UNC13C: variants seen among roughly 807,000 people sequenced by gnomAD.
UNC13C encodes the protein protein unc-13 homolog C.
In UNC13C, 174 loss-of-function variants were observed where a neutral mutation model predicts 245.4. The ratio of observed to expected loss-of-function variants is 0.71; its 90% confidence interval spans 0.63 to 0.80. The LOEUF (loss-of-function observed/expected upper bound fraction) is 0.80, where lower values mean the gene tolerates loss of function less well. Ranked by LOEUF, UNC13C falls within the 30% of genes least tolerant of loss-of-function variation. UNC13C has a pLI of 0.00. For synonymous variants in UNC13C, 992 were observed against 895.1 expected, an observed-to-expected ratio of 1.11 and a Z score of -1.93; for missense variants, 2,829 against 2,602.9, an observed-to-expected ratio of 1.09 and a Z score of -1.89.
Position 54,014,162 on chromosome 15 carries a change from G to C in UNC13C, c.1259G>C (p.Gly420Ala). The C allele has an allele frequency of 6.2e-7, 1 of 1,613,690 alleles. No individual in the cohort carries two copies. Among genetic ancestry groups the C allele is most frequent in the Non-Finnish European group, 8.5e-7 (1 of 1,179,808 alleles). Residue 420 changes from glycine to alanine, a missense_variant, in exon 2 of 33, where the codon GGG (glycine) becomes GCG (alanine). Coordinates refer to ENST00000260323, the MANE Select transcript of UNC13C (RefSeq NM_001080534.3). Reference sequence around the variant, plus strand: ...GACATCAGAGAAAGAAAAGAGAAAGGGATACCATCCTCCCAGACATATGAG... The same window carrying C: ...GACATCAGAGAAAGAAAAGAGAAAGCGATACCATCCTCCCAGACATATGAG... ...THDIRERKEK[G>A]IPSSQTYESM...
chr15:54,151,800 T>A (rs1347202519), intron 4 of UNC13C, among the ~76,000 whole-genome samples: 1 of 152,156 alleles, frequency 6.6e-6, no homozygotes, highest in Non-Finnish European at 1.5e-5. Flanking sequence ...CTGACAACTT[T>A]CCTTTAGCCA....
At chr15:54,495,962 A>G (rs1408165894) in intron 20 of UNC13C, among the ~76,000 whole-genome samples, 2 of 152,016 alleles carry the variant, frequency 1.3e-5, no homozygotes, top group African/African-American at 2.4e-5. Flanking sequence ...AAGATACAAC[A>G]TTTTAGTTAA....
chr15:54,441,792 T>A (rs1416057688), intron 19 of UNC13C, among the ~76,000 whole-genome samples: 4 of 152,138 alleles, frequency 2.6e-5, no homozygotes, highest in East Asian at 1.9e-4. Flanking sequence ...TATGATTGTT[T>A]TAACAATATT....
chr15:54,051,802 G>T (rs558149962), intron 2 of UNC13C, among the ~76,000 whole-genome samples: 1 of 147,662 alleles, frequency 6.8e-6, no homozygotes, highest in Non-Finnish European at 1.5e-5. Flanking sequence ...GGGTACATGT[G>T]CACATTGTGC....
At chr15:53,965,878 C>T in the UNC13C span, among the ~76,000 whole-genome samples, 1 of 152,064 alleles carries the variant, frequency 6.6e-6, no homozygotes, top group Non-Finnish European at 1.5e-5. Context: ...CATCCATGTC[C>T]CTACAAAGGA....
chr15:54,046,521 G>A (rs998471769), intron 2 of UNC13C, among the ~76,000 whole-genome samples: 1 of 151,836 alleles, frequency 6.6e-6, no homozygotes, highest in Non-Finnish European at 1.5e-5. Flanking sequence ...TTTTATATTT[G>A]TCTTATTCCA....
At chr15:54,417,194 A>C (rs2040540345) in intron 19 of UNC13C, 1 of 324,646 alleles carries the variant, frequency 3.1e-6, no homozygotes, top group Non-Finnish European at 6.0e-6. Flanking sequence ...TGATGTTTAG[A>C]AAATAGAAGC....
chr15:54,234,401 T>C (rs1276716014), intron 4 of UNC13C, among the ~76,000 whole-genome samples: 1 of 152,194 alleles, frequency 6.6e-6, no homozygotes, highest in Non-Finnish European at 1.5e-5. Context: ...AATATGCTAT[T>C]GATGAACATG....
the UNC13C span, among the ~76,000 whole-genome samples, chr15:53,851,043 G>A: frequency 7.3e-5 from 11 of 151,486 alleles, no homozygotes; most frequent in African/African-American, 2.2e-4. Flanking sequence ...GTTCTCTTTC[G>A]TATCTTCTAT....
chr15:54,551,928 T>C (rs1896756042), intron 28 of UNC13C, among the ~76,000 whole-genome samples: 1 of 151,320 alleles, frequency 6.6e-6, no homozygotes, highest in African/African-American at 2.4e-5. Context: ...CACTCCCATT[T>C]AAAAAAAATG....
intron 30 of UNC13C, among the ~76,000 whole-genome samples, chr15:54,574,019 G>GTA (rs1897861533): frequency 6.6e-6 from 1 of 152,152 alleles, no homozygotes; most frequent in Non-Finnish European, 1.5e-5. Flanking sequence ...GTACGTACTT[G>GTA]CGCTCTTATT....
At chr15:53,868,966 C>A in the UNC13C span, among the ~76,000 whole-genome samples, 44 of 152,046 alleles carry the variant, frequency 2.9e-4, no homozygotes, top group East Asian at 2.1e-3. Context: ...AAAATTTAGT[C>A]GGGCGTGGTG....
intron 1 of UNC13C, among the ~76,000 whole-genome samples, chr15:53,998,630 T>G (rs1404089319): frequency 6.6e-6 from 1 of 152,174 alleles, no homozygotes; most frequent in Non-Finnish European, 1.5e-5. Context: ...TTGACCTATC[T>G]AAATCCTCCA....
intron 2 of UNC13C, among the ~76,000 whole-genome samples, chr15:54,070,634 T>G (rs1206846283): frequency 6.6e-6 from 1 of 152,122 alleles, no homozygotes; most frequent in Admixed American, 6.6e-5. Context: ...TTGTATCAAA[T>G]TTTTCAGGAT....
chr15:53,905,020 A>G, the UNC13C span, among the ~76,000 whole-genome samples: 1 of 152,162 alleles, frequency 6.6e-6, no homozygotes, highest in Non-Finnish European at 1.5e-5. Flanking sequence ...ATGCATAGAC[A>G]GAAAATCACA....
intron 30 of UNC13C, among the ~76,000 whole-genome samples, chr15:54,583,658 T>C (rs1898312066): frequency 6.6e-6 from 1 of 152,242 alleles, no homozygotes; most frequent in African/African-American, 2.4e-5. Flanking sequence ...TAAATGTGGT[T>C]AATAGTTGCT....
chr15:54,164,428 C>T (rs1186679244), intron 4 of UNC13C, among the ~76,000 whole-genome samples: 1 of 152,154 alleles, frequency 6.6e-6, no homozygotes, highest in Non-Finnish European at 1.5e-5. Context: ...GTTAAAAACA[C>T]TGTCTTCATC....
At chr15:54,039,111 C>T (rs1896709312) in intron 2 of UNC13C, among the ~76,000 whole-genome samples, 1 of 152,148 alleles carries the variant, frequency 6.6e-6, no homozygotes, top group Admixed American at 6.5e-5. Flanking sequence ...ATTGTGCCCC[C>T]TCCTGCATTC....
chr15:54,459,214 G>T (rs1395836937), intron 19 of UNC13C, among the ~76,000 whole-genome samples: 1 of 152,182 alleles, frequency 6.6e-6, no homozygotes, highest in Non-Finnish European at 1.5e-5. Context: ...GCTAAGGATA[G>T]GACCTCAGTC....
Sources: gnomAD v4.1 joint callset for allele counts (sites outside exome capture counted in the v4.1 genomes callset) on GRCh38, gnomAD v4.1.1 for gene constraint, MANE v1.5 for transcripts, NCBI Gene and HGNC (gene_info 2026-07-23, HGNC 2026-07-21) for gene names.